The following GPC3 variants were observed in gnomAD, a reference collection of about 807,000 sequenced individuals.
GPC3 encodes glypican 3, also known as glypican-3.
In GPC3, 3 loss-of-function variants were observed where a neutral mutation model predicts 34.4. The observed-to-expected ratio is 0.09, with a 90% confidence interval of 0.04 to 0.23. GPC3 has a LOEUF of 0.23. Among genes scored for constraint, GPC3 ranks in the 10% least tolerant of loss-of-function variants. GPC3 has a pLI of 1.00. For missense variants in GPC3, 351 were observed against 445.6 expected (o/e 0.79, Z 1.91); for synonymous variants, 177 against 174.0 (o/e 1.02, Z -0.13).
intron 2 of GPC3, among the ~76,000 whole-genome samples, chrX:133,836,116 T>C (rs1434995142): frequency 2.6e-5 from 3 of 113,577 alleles, no homozygotes; most frequent in Non-Finnish European, 5.6e-5. Context: ...TGCAGAGCTC[T>C]AAGGTTCCTT....
chrX:133,799,555 G>A (rs759322415), intron 2 of GPC3, among the ~76,000 whole-genome samples: 44 of 111,602 alleles, frequency 3.9e-4, no homozygotes, highest in African/African-American at 1.4e-3. Flanking sequence ...TCTAAATCTA[G>A]TATACAGTGC....
At chrX:133,846,330 A>G (rs1463211155) in intron 2 of GPC3, among the ~76,000 whole-genome samples, 1 of 111,945 alleles carries the variant, frequency 8.9e-6, no homozygotes, top group Non-Finnish European at 1.9e-5. Flanking sequence ...TCCCACTCCA[A>G]TGATACACTG....
intron 4 of GPC3, among the ~76,000 whole-genome samples, chrX:133,695,209 T>A (rs1019631610): frequency 1.8e-5 from 2 of 111,337 alleles, no homozygotes; most frequent in Non-Finnish European, 3.8e-5. Context: ...GAGAACTAAT[T>A]TACTATCATG....
chrX:133,731,912 C>T (rs1030094095), intron 3 of GPC3, among the ~76,000 whole-genome samples: 3 of 112,382 alleles, frequency 2.7e-5, no homozygotes, highest in South Asian at 7.4e-4. Context: ...CTTGCTGCTT[C>T]TTGAAAACTA....
intron 1 of GPC3, among the ~76,000 whole-genome samples, chrX:133,960,536 T>G (rs1246292870): frequency 9.0e-6 from 1 of 111,531 alleles, no homozygotes; most frequent in Non-Finnish European, 1.9e-5. Context: ...TAGACCTTGA[T>G]CCTTACACTT....
intron 2 of GPC3, among the ~76,000 whole-genome samples, chrX:133,758,262 C>T (rs773191441): frequency 1.5e-4 from 17 of 111,690 alleles, no homozygotes; most frequent in Non-Finnish European, 2.8e-4. Flanking sequence ...ATGTTCACTG[C>T]AGCACTATTC....
At position 133,572,932 on chromosome X, in the gene GPC3, A is replaced by G. The variant is rs1021754702; in HGVS notation, c.1573+23508T>C. Among the ~76,000 whole-genome samples the G allele has an allele frequency of 4.5e-4, 50 of 111,834 alleles. 1 individual carries two copies. Among genetic ancestry groups the G allele is most frequent in the Non-Finnish European group, 2.6e-4 (14 of 53,090 alleles). ...GGGGCCAGCATTACTGTGATACCAA[A>G]GCTAGGCAGAGATATCACAAGAAAA... On this transcript the variant is annotated intron_variant, in intron 7 of 7. Coordinates refer to ENST00000370818, the MANE Select transcript of GPC3 (RefSeq NM_004484.4).
intron 2 of GPC3, among the ~76,000 whole-genome samples, chrX:133,830,207 G>A (rs908924653): frequency 1.7e-4 from 19 of 111,548 alleles, no homozygotes; most frequent in African/African-American, 6.2e-4. Flanking sequence ...GAATACAACC[G>A]AGAGTCCAGA....
At chrX:133,923,241 G>C (rs760818287) in intron 2 of GPC3, among the ~76,000 whole-genome samples, 1 of 111,683 alleles carries the variant, frequency 9.0e-6, no homozygotes, top group Non-Finnish European at 1.9e-5. Context: ...TTTAGTCAGG[G>C]AGAGGAGACA....
intron 2 of GPC3, among the ~76,000 whole-genome samples, chrX:133,805,932 A>G (rs1221785366): frequency 8.9e-6 from 1 of 112,648 alleles, no homozygotes; most frequent in Non-Finnish European, 1.9e-5. Flanking sequence ...TGATGAAAAA[A>G]GGAAAATTAA....
In GPC3 at chrX:133,753,674, C is replaced by T. The variant is rs2071692419; in HGVS notation, c.840G>A (p.Val280=). 8.3e-7 allele frequency: 1 copy of T among 1,211,200 alleles called. No homozygotes were observed. The highest frequency in any genetic ancestry group is 1.1e-6 in the Non-Finnish European group (1 of 894,864). The part of the protein sequence containing the change: ...MVKPCGGYCN[V]VMQGCMAGVV... Reference sequence around the variant, plus strand: ...CACCTGCCATACAGCCTTGCATGACCACATTGCAGTAACCGCCACAGGGTT... The same window carrying T: ...CACCTGCCATACAGCCTTGCATGACTACATTGCAGTAACCGCCACAGGGTT... The change falls in exon 3 of 8, where the codon GTG becomes GTA. Residue 280 remains valine (V), a synonymous_variant. Coordinates refer to ENST00000370818, the MANE Select transcript of GPC3 (RefSeq NM_004484.4).
intron 2 of GPC3, among the ~76,000 whole-genome samples, chrX:133,909,347 A>G (rs188123006): frequency 8.9e-6 from 1 of 112,159 alleles, no homozygotes; most frequent in Non-Finnish European, 1.9e-5. Flanking sequence ...ATCAAGACAT[A>G]TTTATATTTG....
chrX:133,811,944 A>C (rs1289627653), intron 2 of GPC3, among the ~76,000 whole-genome samples: 1 of 112,258 alleles, frequency 8.9e-6, no homozygotes, highest in African/African-American at 3.2e-5. Context: ...GAAGTCCTAC[A>C]AAAAGTATTA....
intron 2 of GPC3, among the ~76,000 whole-genome samples, chrX:133,930,031 GA>G (rs1477334551): frequency 9.8e-5 from 11 of 111,740 alleles, no homozygotes; most frequent in Non-Finnish European, 2.1e-4. Context: ...AGCATTCCAT[GA>G]AAAAAAGGTT....
chrX:133,559,441 A>G (rs2069522951), intron 7 of GPC3, among the ~76,000 whole-genome samples: 1 of 111,624 alleles, frequency 9.0e-6, no homozygotes, highest in Admixed American at 9.5e-5. Context: ...AGGAAAACTC[A>G]GGAAATCTCA....
At chrX:133,577,733 C>A (rs1418731013) in intron 7 of GPC3, among the ~76,000 whole-genome samples, 1 of 112,094 alleles carries the variant, frequency 8.9e-6, no homozygotes, top group East Asian at 2.8e-4. Context: ...GTGAGTAGAA[C>A]AGATGTGGTA....
chrX:133,585,824 G>C (rs2124318091), intron 7 of GPC3, among the ~76,000 whole-genome samples: 1 of 112,259 alleles, frequency 8.9e-6, no homozygotes, highest in South Asian at 3.7e-4. Context: ...GGCCAACATG[G>C]CTTCTGTCCA....
chrX:133,841,297 C>G (rs775875236), intron 2 of GPC3, among the ~76,000 whole-genome samples: 6 of 95,546 alleles, frequency 6.3e-5, no homozygotes, highest in Non-Finnish European at 1.0e-4. Context: ...TTGGCTCAAG[C>G]AATTCTCCTG....
chrX:133,859,080 C>CA (rs561711766), intron 2 of GPC3, among the ~76,000 whole-genome samples: 949 of 40,541 alleles, frequency 0.023, 13 homozygotes, highest in African/African-American at 0.056. Flanking sequence ...GACTCTGTCT[C>CA]AAAAAAAAAA....
Sources: gnomAD v4.1 joint callset for allele counts (sites outside exome capture counted in the v4.1 genomes callset) on GRCh38, gnomAD v4.1.1 for gene constraint, MANE v1.5 for transcripts, NCBI Gene and HGNC (gene_info 2026-07-23, HGNC 2026-07-21) for gene names.